ZBTB40: variants seen among roughly 807,000 people sequenced by gnomAD.
ZBTB40 encodes zinc finger and BTB domain-containing protein 40.
Under a neutral mutation model 117.5 loss-of-function variants are expected in ZBTB40, and 60 were observed. The ratio of observed to expected loss-of-function variants is 0.51; its 90% CI spans 0.41 to 0.63. The LOEUF (loss-of-function observed/expected upper bound fraction) is 0.63, where lower values mean the gene tolerates loss of function less well. Among genes scored for constraint, ZBTB40 ranks in the 30% least tolerant of loss-of-function variants. The probability of loss-of-function intolerance (pLI) is 0.00; values close to 1 mark genes in which losing one functional copy is unlikely to be tolerated. For synonymous variants in ZBTB40, 525 were observed against 577.1 expected, an observed-to-expected ratio of 0.91 and a Z score of 1.29; for missense variants, 1,287 against 1,498.5, an observed-to-expected ratio of 0.86 and a Z score of 2.33.
intron 1 of ZBTB40, 47 bp from the exon 2 acceptor site, chr1:22,489,833 C>G: frequency 3.1e-6 from 3 of 954,498 alleles, no homozygotes; most frequent in African/African-American, 1.6e-5. Flanking sequence ...AGGCCTTTCC[C>G]TATGGTTTTT....
At chr1:22,450,487 GACTA>G (rs1455672546), upstream of ZBTB40, among the ~76,000 whole-genome samples, 2 of 152,200 alleles carry the variant, frequency 1.3e-5, no homozygotes, top group African/African-American at 4.8e-5. Context: ...TAGTGAAAGT[GACTA>G]ACTGGGCACA....
At chr1:22,479,333 C>T (rs1253906916) in intron 1 of ZBTB40, among the ~76,000 whole-genome samples, 1 of 151,958 alleles carries the variant, frequency 6.6e-6, no homozygotes, top group Non-Finnish European at 1.5e-5. Flanking sequence ...GCATATTTAT[C>T]CCTTCTTTCT....
intron 1 of ZBTB40, among the ~76,000 whole-genome samples, chr1:22,460,545 A>C (rs932275956): frequency 1.3e-5 from 2 of 152,204 alleles, no homozygotes; most frequent in Non-Finnish European, 1.5e-5. Context: ...ACAACTAAGC[A>C]ATAGGTATTA....
At chr1:22,508,949 A>T in intron 8 of ZBTB40, 151 bp from the exon 9 acceptor site, 1 of 1,208,134 alleles carries the variant, frequency 8.3e-7, no homozygotes, top group Non-Finnish European at 1.2e-6. Context: ...TACTCTGATT[A>T]CAGTGCTATT....
At chr1:22,503,387 T>C (rs1436562139) in intron 5 of ZBTB40, among the ~76,000 whole-genome samples, 1 of 151,362 alleles carries the variant, frequency 6.6e-6, no homozygotes, top group Non-Finnish European at 1.5e-5. Flanking sequence ...GTTGGTGTTA[T>C]TGATTTCAAC....
chr1:22,494,818 G>A (rs1169975041), intron 3 of ZBTB40, among the ~76,000 whole-genome samples: 1 of 152,214 alleles, frequency 6.6e-6, no homozygotes, highest in Admixed American at 6.5e-5. Flanking sequence ...TGACAGCAGA[G>A]AAATCCTGCC....
intron 1 of ZBTB40, among the ~76,000 whole-genome samples, chr1:22,473,652 T>G (rs1294081772): frequency 1.3e-5 from 2 of 152,168 alleles, no homozygotes; most frequent in Non-Finnish European, 2.9e-5. Flanking sequence ...CCTGAGCGGA[T>G]GGGGCAGTGG....
intron 17 of ZBTB40, among the ~76,000 whole-genome samples, chr1:22,525,067 T>C (rs556038220): frequency 3.3e-5 from 5 of 152,328 alleles, no homozygotes; most frequent in Admixed American, 1.3e-4. Context: ...GGTTTTGGTC[T>C]GTTAGACTGT....
At chr1:22,514,538 TCCC>T (rs1639326152) in intron 12 of ZBTB40, among the ~76,000 whole-genome samples, 1 of 152,116 alleles carries the variant, frequency 6.6e-6, no homozygotes, top group African/African-American at 2.4e-5. Flanking sequence ...TTCTTACCCT[TCCC>T]TTTGCTGGGG....
intron 6 of ZBTB40, among the ~76,000 whole-genome samples, chr1:22,507,686 C>G (rs547723035): frequency 3.3e-5 from 5 of 152,300 alleles, no homozygotes; most frequent in East Asian, 3.9e-4. Context: ...ACAAACACCC[C>G]CCCTTGAACC....
At chr1:22,477,833 G>A (rs1641588315) in intron 1 of ZBTB40, among the ~76,000 whole-genome samples, 1 of 152,162 alleles carries the variant, frequency 6.6e-6, no homozygotes, top group Admixed American at 6.5e-5. Flanking sequence ...ACAGGCGTGA[G>A]CCAGCGTGCC....
intron 1 of ZBTB40, among the ~76,000 whole-genome samples, chr1:22,454,999 G>A (rs1212880978): frequency 6.6e-6 from 1 of 152,214 alleles, no homozygotes; most frequent in Non-Finnish European, 1.5e-5. Flanking sequence ...TCTATCTCCA[G>A]AAAGAGGGGA....
intron 1 of ZBTB40, among the ~76,000 whole-genome samples, chr1:22,471,260 C>G (rs1569797562): frequency 6.6e-6 from 1 of 152,186 alleles, no homozygotes; most frequent in Admixed American, 6.5e-5. Flanking sequence ...TAGCAGAGAC[C>G]AGCAGAAAAA....
At chr1:22,434,136 A>C (rs981097883) in intron 1 of ZBTB40, among the ~76,000 whole-genome samples, 1 of 152,194 alleles carries the variant, frequency 6.6e-6, no homozygotes, top group Non-Finnish European at 1.5e-5. Context: ...AATTTTTCCT[A>C]ATGAGTAGGT....
intron 1 of ZBTB40, among the ~76,000 whole-genome samples, chr1:22,474,506 G>A (rs1403082947): frequency 6.6e-6 from 1 of 152,192 alleles, no homozygotes; most frequent in Non-Finnish European, 1.5e-5. Context: ...TAATTGCTAG[G>A]AGTTCTCTTT....
rs2124479175 is a variant in ZBTB40, at chr1:22,526,621, C to G, written c.*225C>G. On this transcript the variant is annotated 3_prime_UTR_variant, in exon 18 of 18. Coordinates refer to ENST00000375647, the MANE Select transcript of ZBTB40 (RefSeq NM_014870.4). ...AGCACCATCCTCTGTAGCAGACAGG[C>G]CTCCCTCCCCACAGGCCCGCTGCTG... 3 of 565,816 alleles carry G rather than the reference C, an allele frequency of 5.3e-6. No homozygotes were observed. The highest frequency in any genetic ancestry group is 1.9e-5 in the South Asian group (1 of 53,244). 35.0% of individuals were successfully genotyped at this position (565,816 alleles called of 1,614,324 possible).
chr1:22,462,133 A>G (rs1641147301), intron 1 of ZBTB40, among the ~76,000 whole-genome samples: 1 of 152,228 alleles, frequency 6.6e-6, no homozygotes, highest in African/African-American at 2.4e-5. Context: ...TATCCTTGTA[A>G]TGCCTCTGAA....
intron 16 of ZBTB40, among the ~76,000 whole-genome samples, chr1:22,523,203 A>G (rs485052): frequency 0.77 from 117,005 of 151,806 alleles, 45,432 homozygotes; most frequent in East Asian, 0.9. Context: ...CGCCCGCCTC[A>G]CCCTCCCAAA....
At chr1:22,477,132 A>G (rs1158941013) in intron 1 of ZBTB40, among the ~76,000 whole-genome samples, 1 of 152,154 alleles carries the variant, frequency 6.6e-6, no homozygotes, top group Non-Finnish European at 1.5e-5. Flanking sequence ...ATCCCTCATG[A>G]TTATATATAT....
Sources: gnomAD v4.1 joint callset for allele counts (sites outside exome capture counted in the v4.1 genomes callset) on GRCh38, gnomAD v4.1.1 for gene constraint, MANE v1.5 for transcripts, NCBI Gene and HGNC (gene_info 2026-07-23, HGNC 2026-07-21) for gene names.